Variants in SNX30 observed in about 807,000 individuals in gnomAD.
The protein encoded by SNX30 is sorting nexin-30.
Under a neutral mutation model 46.4 loss-of-function variants are expected in SNX30, and 24 were observed. The observed-to-expected ratio is 0.52, with a 90% CI of 0.37 to 0.73. The LOEUF is 0.73. SNX30 is among the 30% of genes least tolerant of loss of function. The pLI is 0.00. For missense variants in SNX30, 533 were observed against 555.7 expected (o/e 0.96, Z 0.41); for synonymous variants, 189 against 211.5 (o/e 0.89, Z 0.92).
intron 1 of SNX30, among the ~76,000 whole-genome samples, chr9:112,768,220 G>C: frequency 6.6e-6 from 1 of 152,096 alleles, no homozygotes; most frequent in Non-Finnish European, 1.5e-5. Context: ...GATTTTCCTC[G>C]TGAGCTGCCT....
intron 3 of SNX30, among the ~76,000 whole-genome samples, chr9:112,827,625 T>A (rs560418748): frequency 7.2e-5 from 11 of 152,204 alleles, no homozygotes; most frequent in Non-Finnish European, 1.2e-4. Flanking sequence ...AGTATTCCAC[T>A]TTTTTGGGTT....
intron 3 of SNX30, among the ~76,000 whole-genome samples, chr9:112,824,970 T>G (rs1840560099): frequency 6.6e-6 from 1 of 152,184 alleles, no homozygotes; most frequent in Non-Finnish European, 1.5e-5. Flanking sequence ...AAAGAAACTT[T>G]GTACCCATTA....
At chr9:112,857,954 T>TC (rs1197491184) in intron 7 of SNX30, among the ~76,000 whole-genome samples, 1 of 152,218 alleles carries the variant, frequency 6.6e-6, no homozygotes, top group African/African-American at 2.4e-5. Context: ...CACAGTCCCA[T>TC]CCACGTGACT....
chr9:112,784,757 A>G (rs1293136771), intron 1 of SNX30, among the ~76,000 whole-genome samples: 1 of 152,176 alleles, frequency 6.6e-6, no homozygotes, highest in Non-Finnish European at 1.5e-5. Context: ...ACTAGAATCT[A>G]AACCCGGGTC....
chr9:112,791,478 C>T (rs1229531510), intron 1 of SNX30, among the ~76,000 whole-genome samples: 5 of 117,594 alleles, frequency 4.3e-5, no homozygotes, highest in East Asian at 3.0e-4. Context: ...GGCGCAATTG[C>T]GCTGCTCACT....
Position 112,864,239 on chromosome 9 carries a change from T to C in SNX30, c.1102-8T>C. On this transcript the variant is annotated splice_polypyrimidine_tract_variant and splice_region_variant and intron_variant, in intron 7 of 8. Transcript: ENST00000374232. The stretch of plus-strand genomic sequence containing the variant: ...TGCAGGGCACCCATGTGTGCCTCCC[T>C]TTTCCAGGTACCGGCGGACGTCGAG... 1 of 1,613,098 alleles carries C rather than the reference T, an allele frequency of 6.2e-7. No homozygotes were observed. The highest frequency in any genetic ancestry group is 1.3e-5 in the African/African-American group (1 of 75,044).
intron 2 of SNX30, among the ~76,000 whole-genome samples, chr9:112,812,048 G>A (rs1215229184): frequency 6.6e-6 from 1 of 152,118 alleles, no homozygotes; most frequent in African/African-American, 2.4e-5. Context: ...TTCAGCTGGT[G>A]TGCAGTGTTT....
At chr9:112,883,418 G>A (rs1841606357), downstream of SNX30, among the ~76,000 whole-genome samples, 1 of 152,112 alleles carries the variant, frequency 6.6e-6, no homozygotes, top group South Asian at 2.1e-4. Flanking sequence ...CTTCCTAGCT[G>A]TGTACCCTTT....
At chr9:112,796,663 GT>G (rs1276814397) in intron 1 of SNX30, among the ~76,000 whole-genome samples, 2 of 152,166 alleles carry the variant, frequency 1.3e-5, no homozygotes, top group African/African-American at 4.8e-5. Flanking sequence ...AGTAATTACA[GT>G]TTTTTTGATA....
chr9:112,832,880 C>T (rs1188284431), intron 4 of SNX30, among the ~76,000 whole-genome samples: 2 of 144,436 alleles, frequency 1.4e-5, no homozygotes, highest in South Asian at 2.2e-4. Flanking sequence ...TATAAAATAT[C>T]TATATATATA....
At chr9:112,876,089 G>C (rs941942064), downstream of SNX30, among the ~76,000 whole-genome samples, 1 of 152,072 alleles carries the variant, frequency 6.6e-6, no homozygotes, top group Non-Finnish European at 1.5e-5. Context: ...GCCTGGCCCT[G>C]TTTTCTTTTT....
chr9:112,804,716 T>C, intron 1 of SNX30, 60 bp from the exon 2 acceptor site: 4 of 1,414,960 alleles, frequency 2.8e-6, no homozygotes, highest in Non-Finnish European at 3.7e-6. Flanking sequence ...ACCAGCTGCT[T>C]TTGCTGATAC....
At chr9:112,813,297 C>G (rs1840346932) in intron 2 of SNX30, among the ~76,000 whole-genome samples, 1 of 145,668 alleles carries the variant, frequency 6.9e-6, no homozygotes, top group African/African-American at 2.5e-5. Flanking sequence ...ACGCCTATCT[C>G]TACAAAAAAA....
At chr9:112,804,160 G>A (rs1332335383) in intron 1 of SNX30, among the ~76,000 whole-genome samples, 2 of 149,024 alleles carry the variant, frequency 1.3e-5, no homozygotes, top group Non-Finnish European at 3.0e-5. Context: ...TGGCTCCTCC[G>A]CAGAGGTTTG....
At chr9:112,790,067 C>A (rs1364670493) in intron 1 of SNX30, among the ~76,000 whole-genome samples, 1 of 152,152 alleles carries the variant, frequency 6.6e-6, no homozygotes, top group African/African-American at 2.4e-5. Context: ...TACAAGCAAC[C>A]TTGGAGTTTT....
At chr9:112,767,143 AGTT>A (rs1839555492) in intron 1 of SNX30, among the ~76,000 whole-genome samples, 1 of 143,052 alleles carries the variant, frequency 7.0e-6, no homozygotes, top group Admixed American at 7.1e-5. Flanking sequence ...TTTTGATAGT[AGTT>A]ATTCTAGAAA....
At chr9:112,755,269 G>C (rs1413208738) in intron 1 of SNX30, among the ~76,000 whole-genome samples, 1 of 152,246 alleles carries the variant, frequency 6.6e-6, no homozygotes, top group Admixed American at 6.5e-5. Context: ...GAGGGAGTTA[G>C]TGGGTGAGTA....
At chr9:112,805,297 A>G (rs1471378242) in intron 2 of SNX30, among the ~76,000 whole-genome samples, 3 of 152,088 alleles carry the variant, frequency 2.0e-5, no homozygotes, top group African/African-American at 7.2e-5. Context: ...CATTGTATCA[A>G]CCTAAATCAC....
In SNX30 at chr9:112,870,144, A is replaced by G. The variant is rs755986496; in HGVS notation, c.*1301A>G. The G allele has an allele frequency of 6.6e-6, 1 of 151,860 alleles. No homozygotes were observed. The highest frequency in any genetic ancestry group is 1.5e-5 in the Non-Finnish European group (1 of 67,992). The allele number at this position is 151,860 out of a possible 1,614,324, so 9.4% of individuals were successfully genotyped here. A position where few individuals can be genotyped will look rare whatever the true frequency, so the allele number is the denominator to read the frequency against. Reference sequence around the variant, plus strand: ...TTACTTTTCAGATCACAAAGCAAACAGTCACCAAGGATCTGTCTTCCAACT... The same window carrying G: ...TTACTTTTCAGATCACAAAGCAAACGGTCACCAAGGATCTGTCTTCCAACT... On this transcript the variant is annotated 3_prime_UTR_variant, in exon 9 of 9. Transcript: ENST00000374232.
Sources: allele counts gnomAD v4.1 joint callset (sites outside exome capture counted in the v4.1 genomes callset), GRCh38; gene constraint gnomAD v4.1.1; transcripts MANE v1.5; gene names NCBI Gene and HGNC (gene_info 2026-07-23, HGNC 2026-07-21).